The following KLHL36 variants were observed in gnomAD, a reference collection of about 807,000 sequenced individuals.
The protein encoded by KLHL36 is kelch-like protein 36.
A neutral mutation model predicts 53.3 loss-of-function variants in KLHL36; 35 were observed. That is an observed-to-expected ratio of 0.66 (90% CI 0.50 to 0.87). The LOEUF is 0.87. KLHL36 is among the 40% of genes least tolerant of loss of function. The pLI, the probability that KLHL36 is intolerant of heterozygous loss-of-function variation, is 0.00. For synonymous variants in KLHL36, 472 were observed against 398.9 expected, an observed-to-expected ratio of 1.18 and a Z score of -2.18; for missense variants, 864 against 897.6, an observed-to-expected ratio of 0.96 and a Z score of 0.48.
At position 84,659,765 on chromosome 16, in the gene KLHL36, C is replaced by G; in HGVS notation, c.1143C>G (p.Ala381=). The change falls in exon 4 of 5, where the codon GCC becomes GCG. Residue 381 remains alanine (A), a synonymous_variant. Coordinates refer to ENST00000564996, the MANE Select transcript of KLHL36 (RefSeq NM_024731.4). ...DPRCKQWIKV[A]SMNQRRVDFY... ...CAGGTATCTCAACTCCACAGGTGGC[C>G]TCCATGAACCAGCGCCGTGTGGATT... 6.2e-7 allele frequency: 1 copy of G among 1,614,088 alleles called. No individual in the cohort carries two copies. The highest frequency in any genetic ancestry group is 8.5e-7 in the Non-Finnish European group (1 of 1,179,974).
At chr16:84,651,533 G>A (rs550798227) in intron 2 of KLHL36, among the ~76,000 whole-genome samples, 1 of 152,344 alleles carries the variant, frequency 6.6e-6, no homozygotes, top group South Asian at 2.1e-4. Context: ...TGTCCCCACA[G>A]CTGCTGTTGG....
chr16:84,656,871 G>T lies in KLHL36; in HGVS notation c.64G>T (p.Val22Leu). 6.2e-7 allele frequency: 1 copy of T among 1,602,210 alleles called. No homozygotes were observed. The highest frequency in any genetic ancestry group is 8.5e-7 in the Non-Finnish European group (1 of 1,172,998). ...TTTCTAATGTGTCTTCTCTGTCCAG[G>T]TATACCGCTGGGCCGACCACTCAAG... ...RPYKISESSK[V>L]YRWADHSSTV... The change falls in exon 3 of 5, where the codon GTA becomes TTA. Residue 22 changes from valine (V) to leucine (L), a missense_variant and splice_region_variant. Coordinates refer to ENST00000564996, the MANE Select transcript of KLHL36 (RefSeq NM_024731.4).
Position 84,661,443 on chromosome 16 carries a change from G to T in KLHL36, c.1296-135G>T. The T allele has an allele frequency of 1.2e-6, 1 of 831,942 alleles. No homozygotes were observed. The highest frequency in any genetic ancestry group is 1.7e-5 in the South Asian group (1 of 58,784). The allele number at this position is 831,942 out of a possible 1,614,324, so 51.5% of individuals were successfully genotyped here. On this transcript the variant is annotated intron_variant, in intron 4 of 4. Transcript: ENST00000564996. The surrounding 1 kb of genome is among the most constrained non-coding windows in gnomAD (Gnocchi z 7.9). ...TAATGACGGCTACTGTCTATAGAGT[G>T]TTCATGGGGTGCCCACTCCCTATAT...
chr16:84,653,099 C>T (rs1301414570), intron 2 of KLHL36, among the ~76,000 whole-genome samples: 1 of 152,154 alleles, frequency 6.6e-6, no homozygotes, highest in African/African-American at 2.4e-5. Context: ...CACCTGTAGT[C>T]CCAGCTCCTC....
rs1285655869 is a variant in KLHL36, at chr16:84,661,081, C to G, written c.1296-497C>G. 2.0e-5 allele frequency among the ~76,000 whole-genome samples: 3 copies of G among 152,224 alleles called. No homozygotes were observed. In the East Asian group the frequency reaches 5.8e-4, roughly 29 times the overall value. ...TGCCCTAAAGCCCACTGTGTGCGTG[C>G]TGTCCATCCCTCCCTCCCCTCTCCC... On this transcript the variant is annotated intron_variant, in intron 4 of 4. Coordinates refer to ENST00000564996, the MANE Select transcript of KLHL36 (RefSeq NM_024731.4). This position sits in a 1 kb window ranked among gnomAD's most constrained non-coding sequence, Gnocchi z 7.9.
chr16:84,650,284 A>G (rs1206006486), intron 1 of KLHL36, among the ~76,000 whole-genome samples: 1 of 152,118 alleles, frequency 6.6e-6, no homozygotes, highest in Non-Finnish European at 1.5e-5. Context: ...CATCTGCATC[A>G]TGATATTTTT....
Position 84,661,549 on chromosome 16 carries a change from C to G in KLHL36, c.1296-29C>G, listed in dbSNP as rs1430909321. 1.3e-6 allele frequency: 2 copies of G among 1,550,506 alleles called. No homozygotes were observed. The highest frequency in any genetic ancestry group is 1.7e-6 in the Non-Finnish European group (2 of 1,144,492). On this transcript the variant is annotated intron_variant, in intron 4 of 4. Coordinates refer to ENST00000564996, the MANE Select transcript of KLHL36 (RefSeq NM_024731.4). This position sits in a 1 kb window ranked among gnomAD's most constrained non-coding sequence, Gnocchi z 7.9. Reference sequence around the variant, plus strand: ...TAAGCCTGGCACAGCCCTGAGCTCTCCCTCTGTCTCTGCCCGTCGACCCTG... The same window carrying G: ...TAAGCCTGGCACAGCCCTGAGCTCTGCCTCTGTCTCTGCCCGTCGACCCTG...
At chr16:84,658,473 G>C (rs1411109494) in intron 3 of KLHL36, 2 of 152,382 alleles carry the variant, frequency 1.3e-5, no homozygotes, top group Non-Finnish European at 2.9e-5. Flanking sequence ...GAGACCACTA[G>C]TGCTCACGCC....
chr16:84,661,449 G>C lies in KLHL36; in HGVS notation c.1296-129G>C. On this transcript the variant is annotated intron_variant, in intron 4 of 4. Coordinates refer to ENST00000564996, the MANE Select transcript of KLHL36 (RefSeq NM_024731.4). This position sits in a 1 kb window ranked among gnomAD's most constrained non-coding sequence, Gnocchi z 7.9. Reference sequence around the variant, plus strand: ...CGGCTACTGTCTATAGAGTGTTCATGGGGTGCCCACTCCCTATATTCTTAA... The same window carrying C: ...CGGCTACTGTCTATAGAGTGTTCATCGGGTGCCCACTCCCTATATTCTTAA... 7 of 864,836 alleles carry C rather than the reference G, an allele frequency of 8.1e-6. No homozygotes were observed. Among genetic ancestry groups the C allele is most frequent in the Non-Finnish European group, 8.9e-6 (5 of 560,088 alleles). 53.6% of individuals were successfully genotyped at this position (864,836 alleles called of 1,614,324 possible).
Position 84,665,107 on chromosome 16 carries a change from G to A in KLHL36, c.*2974G>A, listed in dbSNP as rs888285407. 1.3e-5 allele frequency: 2 copies of A among 152,238 alleles called. No individual in the cohort carries two copies. The highest frequency in any genetic ancestry group is 4.8e-5 in the African/African-American group (2 of 41,458). The allele number at this position is 152,238 out of a possible 1,614,324, so 9.4% of individuals were successfully genotyped here. ...GTGGCCATTTGAACCGCACAGTCAC[G>A]AATGTGGGGTTTTAAACTAGAGTGA... On this transcript the variant is annotated 3_prime_UTR_variant, in exon 5 of 5. Transcript: ENST00000564996.
chr16:84,664,493 T>C lies in KLHL36; in HGVS notation c.*2360T>C, dbSNP rs1030513271. The C allele has an allele frequency of 1.3e-5, 2 of 152,222 alleles. No homozygotes were observed. Among genetic ancestry groups the C allele is most frequent in the African/African-American group, 2.4e-5 (1 of 41,438 alleles). 9.4% of individuals were successfully genotyped at this position (152,222 alleles called of 1,614,324 possible). On this transcript the variant is annotated 3_prime_UTR_variant, in exon 5 of 5. Transcript: ENST00000564996. ...TCTATTCTGATTTTCTTGTGCCTCA[T>C]GAGTTACATACGACGTCCTGCGCTT... is the stretch of plus-strand genomic sequence containing the variant.
In KLHL36 at chr16:84,659,868, A is replaced by T. The variant is rs921568277; in HGVS notation, c.1246A>T (p.Thr416Ser). Residue 416 changes from threonine to serine, a missense_variant, in exon 4 of 5, where the codon ACG (threonine) becomes TCG (serine). By Grantham distance (58) the Thr-to-Ser change is moderately conservative. Transcript: ENST00000564996. ...GAACGGAGCGCTCTCTTCAGTAGAG[A>T]CGTACAGTCCCAAGACTGACTCCTG... Reference protein sequence around the residue: ...NENGALSSVETYSPKTDSWSY... With the variant: ...NENGALSSVESYSPKTDSWSY... 6.2e-7 allele frequency: 1 copy of T among 1,614,102 alleles called. No individual in the cohort carries two copies. Among genetic ancestry groups the T allele is most frequent in the Non-Finnish European group, 8.5e-7 (1 of 1,180,002 alleles).
Position 84,650,889 on chromosome 16 carries a change from A to G in KLHL36, c.22A>G (p.Thr8Ala). 6.2e-7 allele frequency: 1 copy of G among 1,612,170 alleles called. No homozygotes were observed. Residue 8 changes from threonine (T) to alanine (A), a missense_variant, in exon 2 of 5, where the codon ACG (threonine) becomes GCG (alanine). By Grantham distance (58) the Thr-to-Ala change is moderately conservative. Transcript: ENST00000564996. ...TTTAATGATGGAGGGAAGCAGGCAG[A>G]CGCGAGTGTCTCGGCCATACAAGAT... MMEGSRQ[T>A]RVSRPYKISE...
Position 84,657,923 on chromosome 16 carries a change from C to G in KLHL36, c.1116C>G (p.Pro372=), listed in dbSNP as rs1441065315. 6 of 1,521,812 alleles carry G rather than the reference C, an allele frequency of 3.9e-6. No homozygotes were observed. Among genetic ancestry groups the G allele is most frequent in the Non-Finnish European group, 5.3e-6 (6 of 1,135,050 alleles). 94.3% of individuals were successfully genotyped at this position (1,521,812 alleles called of 1,614,324 possible). ...CCAATCTTCTTTATAGGTATGACCC[C>G]CGCTGTAAACAGTGGATCAAGGTGA... ...AASNLLYRYD[P]RCKQWIKVAS... Residue 372 remains proline, a synonymous_variant, in exon 3 of 5, where the codon CCC becomes CCG. Coordinates refer to ENST00000564996, the MANE Select transcript of KLHL36 (RefSeq NM_024731.4).
At chr16:84,658,238 A>C (rs1390055824) in intron 3 of KLHL36, 1 of 294,002 alleles carries the variant, frequency 3.4e-6, no homozygotes, top group East Asian at 5.8e-5. Flanking sequence ...CCACAGCCGC[A>C]TGTGGCGACT....
Position 84,657,117 on chromosome 16 carries a change from C to T in KLHL36, c.310C>T (p.Leu104=), listed in dbSNP as rs138216870. The T allele has an allele frequency of 7.4e-6, 12 of 1,614,108 alleles. No individual in the cohort carries two copies. The African/African-American group carries it at 1.5e-4, about 20-fold the overall frequency. Residue 104 remains leucine, a synonymous_variant, in exon 3 of 5, where the codon CTG becomes TTG. Coordinates refer to ENST00000564996, the MANE Select transcript of KLHL36 (RefSeq NM_024731.4). ...YIGLKAVVDF[L]YGGELVLDGG... is the part of the protein sequence containing the mutation. ...TGGGCTCAAGGCCGTGGTGGACTTC[C>T]TGTACGGCGGGGAGCTGGTGCTGGA...
At chr16:84,658,562 C>T (rs1432587104) in intron 3 of KLHL36, 1 of 152,078 alleles carries the variant, frequency 6.6e-6, no homozygotes, top group African/African-American at 2.4e-5. Context: ...TCATCCCAGC[C>T]TGGCTAAGTC....
chr16:84,663,634 C>T lies in KLHL36; in HGVS notation c.*1501C>T, dbSNP rs1276537481. On this transcript the variant is annotated 3_prime_UTR_variant, in exon 5 of 5. Transcript: ENST00000564996. ...TGCAGACAGTTCCGAGAGCAGGTCTCGATGTCACTTGCCCTTTAAGAGGGC... is the reference window on the plus strand; with the variant it reads ...TGCAGACAGTTCCGAGAGCAGGTCTTGATGTCACTTGCCCTTTAAGAGGGC... 6.6e-6 allele frequency: 1 copy of T among 152,136 alleles called. No homozygotes were observed. Among genetic ancestry groups the T allele is most frequent in the Non-Finnish European group, 1.5e-5 (1 of 68,030 alleles). The allele number at this position is 152,136 out of a possible 1,614,324, so 9.4% of individuals were successfully genotyped here.
chr16:84,657,074 G>A lies in KLHL36; in HGVS notation c.267G>A (p.Leu89=). Residue 89 remains leucine, a synonymous_variant, in exon 3 of 5, where the codon CTG becomes CTA. Transcript: ENST00000564996. ...AAGCTTTCCAGAAGGAGGTGGAGCT[G>A]ATCGGCGCCTCCTACATTGGGCTCA... ...MREAFQKEVE[L]IGASYIGLKA... is the part of the protein sequence containing the mutation. 3.7e-6 allele frequency: 6 copies of A among 1,614,236 alleles called. No homozygotes were observed. Among genetic ancestry groups the A allele is most frequent in the Non-Finnish European group, 5.1e-6 (6 of 1,180,050 alleles).
Sources: gnomAD v4.1 joint callset for allele counts (sites outside exome capture counted in the v4.1 genomes callset) on GRCh38, gnomAD v4.1.1 for gene constraint, Gnocchi (gnomAD v3.1) non-coding constraint, MANE v1.5 for transcripts, NCBI Gene and HGNC (gene_info 2026-07-23, HGNC 2026-07-21) for gene names.